TTLL11: variants seen among roughly 807,000 people sequenced by gnomAD.
The protein encoded by TTLL11 is tubulin polyglutamylase TTLL11.
TTLL11 carries 42 observed loss-of-function variants against 51.7 expected under a neutral mutation model. The observed-to-expected ratio is 0.81, with a 90% CI of 0.64 to 1.05. The LOEUF is 1.05. TTLL11 is among the 50% of genes least tolerant of loss of function. The pLI, the probability that TTLL11 is intolerant of heterozygous loss-of-function variation, is 0.00. For missense variants in TTLL11, 799 were observed against 940.4 expected (o/e 0.85, Z 1.97); for synonymous variants, 381 against 383.5 (o/e 0.99, Z 0.08).
intron 8 of TTLL11, among the ~76,000 whole-genome samples, chr9:121,848,484 G>A (rs1837578956): frequency 6.6e-6 from 1 of 152,120 alleles, no homozygotes; most frequent in Admixed American, 6.5e-5. Flanking sequence ...TCAGTGGATT[G>A]TCAATGTAGA....
chr9:122,069,049 G>A (rs1845664534), intron 1 of TTLL11, among the ~76,000 whole-genome samples: 1 of 152,186 alleles, frequency 6.6e-6, no homozygotes, highest in African/African-American at 2.4e-5. Flanking sequence ...TAGACTTCCA[G>A]ATGTTGAGAA....
At chr9:122,046,131 G>A (rs182767367) in intron 1 of TTLL11, among the ~76,000 whole-genome samples, 158 of 152,144 alleles carry the variant, frequency 1.0e-3, no homozygotes, top group Middle Eastern at 3.4e-3. Context: ...TTGTGTCCCC[G>A]CCCAAGTTTC....
At chr9:122,046,149 C>T (rs914545409) in intron 1 of TTLL11, among the ~76,000 whole-genome samples, 2 of 152,314 alleles carry the variant, frequency 1.3e-5, no homozygotes, top group Admixed American at 6.5e-5. Context: ...TTCATGTCGA[C>T]TTGCAATCCC....
chr9:121,919,342 A>T (rs1840443024), intron 6 of TTLL11, among the ~76,000 whole-genome samples: 1 of 152,162 alleles, frequency 6.6e-6, no homozygotes, highest in Non-Finnish European at 1.5e-5. Flanking sequence ...CATGCTGTTT[A>T]AAAAAAGGAT....
intron 8 of TTLL11, among the ~76,000 whole-genome samples, chr9:121,843,527 C>G (rs781589152): frequency 6.6e-6 from 1 of 151,934 alleles, no homozygotes; most frequent in Non-Finnish European, 1.5e-5. Context: ...GGAGCCCCAC[C>G]AGGTTCTCAA....
At chr9:122,001,744 C>T (rs937814004) in intron 3 of TTLL11, among the ~76,000 whole-genome samples, 3 of 152,214 alleles carry the variant, frequency 2.0e-5, no homozygotes, top group Non-Finnish European at 4.4e-5. Flanking sequence ...TTTTAAACAC[C>T]CACCCAGCCA....
Position 122,092,835 on chromosome 9 carries a change from G to A in TTLL11, c.314C>T (p.Pro105Leu). 6.4e-7 allele frequency: 1 copy of A among 1,561,030 alleles called. No homozygotes were observed. The highest frequency in any genetic ancestry group is 8.6e-7 in the Non-Finnish European group (1 of 1,160,798). The change falls in exon 1 of 9, where the codon CCC (proline) becomes CTC (leucine). Residue 105 changes from proline (P) to leucine (L), a missense_variant. This residue lies in a region of TTLL11 where 166 missense variants were observed against 161.6 expected (regional missense o/e 1.03). Coordinates refer to ENST00000321582, the MANE Select transcript of TTLL11 (RefSeq NM_001139442.2). ...CTTGCAGCTTCGGCCCTTGTCCCGG[G>A]GCTTCCCGTGCGGGCAGAGGCCCTG... Reference protein sequence around the residue: ...PVQGLCPHGKPRDKGRSCKRS... With the variant: ...PVQGLCPHGKLRDKGRSCKRS...
chr9:121,967,210 A>ATTTTTT (rs150372226), intron 6 of TTLL11, among the ~76,000 whole-genome samples: 2 of 63,024 alleles, frequency 3.2e-5, no homozygotes, highest in African/African-American at 5.3e-5. Context: ...TCAGCGGGAG[A>ATTTTTT]TTTTTTTTTT....
intron 6 of TTLL11, among the ~76,000 whole-genome samples, chr9:121,872,089 T>C (rs1203028402): frequency 6.6e-6 from 1 of 152,252 alleles, no homozygotes; most frequent in Non-Finnish European, 1.5e-5. Context: ...CTGCTGTTAA[T>C]GGTACCAAGG....
intron 3 of TTLL11, among the ~76,000 whole-genome samples, chr9:122,016,358 T>G: frequency 6.6e-6 from 1 of 152,208 alleles, no homozygotes; most frequent in East Asian, 1.9e-4. Context: ...CTATAAGGCG[T>G]GTGCAGGAGT....
At chr9:122,088,472 T>G (rs1179390841) in intron 1 of TTLL11, among the ~76,000 whole-genome samples, 1 of 152,232 alleles carries the variant, frequency 6.6e-6, no homozygotes, top group Non-Finnish European at 1.5e-5. Context: ...GAATGCATAT[T>G]TCAAATGCTA....
chr9:121,827,338 G>A (rs750600506), intron 8 of TTLL11, among the ~76,000 whole-genome samples: 20 of 151,998 alleles, frequency 1.3e-4, no homozygotes, highest in Admixed American at 2.0e-4. Context: ...CACAATCACC[G>A]TCACCCTGAG....
chr9:121,884,291 C>A (rs1838915942), intron 6 of TTLL11, among the ~76,000 whole-genome samples: 2 of 152,212 alleles, frequency 1.3e-5, no homozygotes, highest in Non-Finnish European at 2.9e-5. Context: ...TTGACCGACT[C>A]ACCCGGTGGG....
intron 3 of TTLL11, among the ~76,000 whole-genome samples, chr9:122,019,609 C>T (rs1248830350): frequency 6.6e-6 from 1 of 152,090 alleles, no homozygotes; most frequent in African/African-American, 2.4e-5. Context: ...ACCACCACAC[C>T]CGGTAAATCG....
At chr9:122,000,614 A>T (rs934945617) in intron 3 of TTLL11, among the ~76,000 whole-genome samples, 3 of 152,170 alleles carry the variant, frequency 2.0e-5, no homozygotes, top group African/African-American at 7.2e-5. Flanking sequence ...CAGCGCCATG[A>T]CAGTTTACAA....
chr9:121,919,340 T>A (rs1473576859), intron 6 of TTLL11, among the ~76,000 whole-genome samples: 1 of 152,070 alleles, frequency 6.6e-6, no homozygotes, highest in Non-Finnish European at 1.5e-5. Flanking sequence ...TACATGCTGT[T>A]TAAAAAAAGG....
At position 121,934,646 on chromosome 9, in the gene TTLL11, T is replaced by C. The variant is rs183431727; in HGVS notation, c.1481+39363A>G. ...TATAGTTTGTCTGCCAATTGTTCTTTCCATGAAAAACATTCTGATTGTTTC... is the reference window on the plus strand; with the variant it reads ...TATAGTTTGTCTGCCAATTGTTCTTCCCATGAAAAACATTCTGATTGTTTC... On this transcript the variant is annotated intron_variant, in intron 6 of 8. Transcript: ENST00000321582. 4.3e-3 allele frequency among the ~76,000 whole-genome samples: 659 copies of C among 152,290 alleles called. 19 individuals carry two copies. The highest frequency in any genetic ancestry group is 7.2e-4 in the Non-Finnish European group (49 of 68,020).
intron 1 of TTLL11, among the ~76,000 whole-genome samples, chr9:122,045,180 T>C (rs192000994): frequency 9.9e-5 from 15 of 151,914 alleles, no homozygotes; most frequent in South Asian, 2.1e-4. Flanking sequence ...ATTAAGAATA[T>C]AGAAAGCTGC....
intron 3 of TTLL11, among the ~76,000 whole-genome samples, chr9:121,997,846 G>A (rs72765958): frequency 0.048 from 7,340 of 152,126 alleles, 206 homozygotes; most frequent in African/African-American, 0.088. Flanking sequence ...GCTGGGACCC[G>A]TCTCCTGAGA....
Sources: allele counts gnomAD v4.1 joint callset (sites outside exome capture counted in the v4.1 genomes callset), GRCh38; gene constraint gnomAD v4.1.1; regional missense constraint gnomAD v4.1.1; transcripts MANE v1.5; gene names NCBI Gene and HGNC (gene_info 2026-07-23, HGNC 2026-07-21).